PPM1F: variants seen among roughly 807,000 people sequenced by gnomAD.
PPM1F encodes the protein protein phosphatase 1F.
In PPM1F, 17 loss-of-function variants were observed where a neutral mutation model predicts 35.5. The ratio of observed to expected loss-of-function variants is 0.48; its 90% CI spans 0.33 to 0.72. The LOEUF is 0.72. Among genes scored for constraint, PPM1F ranks in the 30% least tolerant of loss-of-function variants. The pLI is 0.02. For synonymous variants in PPM1F, 241 were observed against 255.5 expected (o/e 0.94, Z 0.54); for missense variants, 521 against 613.0 (o/e 0.85, Z 1.59).
intron 3 of PPM1F, chr22:21,938,429 C>T (rs2070687210): frequency 1.7e-6 from 2 of 1,156,906 alleles, no homozygotes; most frequent in South Asian, 3.2e-5. Flanking sequence ...GGCAGGGAGC[C>T]AGGGCGGAGG....
rs1457670254 is a variant in PPM1F at position 21,921,059 on chromosome 22, T to C, written c.*2033A>G. The stretch of plus-strand genomic sequence containing the variant: ...TTTGTAAATAAGAGACCTTAAGCAA[T>C]GCATTGACTGCATGGTCTCAACCTC... On this transcript the variant is annotated 3_prime_UTR_variant, in exon 8 of 8. Transcript: ENST00000263212. The C allele has an allele frequency of 6.6e-6, 1 of 152,418 alleles. No individual in the cohort carries two copies. Among genetic ancestry groups the C allele is most frequent in the East Asian group, 1.9e-4 (1 of 5,180 alleles). The allele number at this position is 152,418 out of a possible 1,614,324, so 9.4% of individuals were successfully genotyped here.
rs971627670 is a variant in PPM1F at position 21,937,744 on chromosome 22, C to T, written c.355+1788G>A. 6 of 173,770 alleles carry T rather than the reference C, an allele frequency of 3.5e-5. 1 individual carries two copies. The South Asian group carries it at 3.6e-4, about 10-fold the overall frequency. 10.8% of individuals were successfully genotyped at this position (173,770 alleles called of 1,614,324 possible). ...CACGGTCTCGCCCCGGGTGCTACTGCTATTTCCAACAGCCGCTTAGCCTAG... is the reference window on the plus strand; with the variant it reads ...CACGGTCTCGCCCCGGGTGCTACTGTTATTTCCAACAGCCGCTTAGCCTAG... On this transcript the variant is annotated intron_variant, in intron 3 of 7. Coordinates refer to ENST00000263212, the MANE Select transcript of PPM1F (RefSeq NM_014634.4).
chr22:21,938,246 T>C (rs1002078159), intron 3 of PPM1F: 6 of 1,300,826 alleles, frequency 4.6e-6, no homozygotes, highest in Non-Finnish European at 6.1e-6. Context: ...CAGAGACCCA[T>C]CAGGCGGGGA....
At chr22:21,934,848 A>T (rs1392911838) in intron 3 of PPM1F, 5 of 135,504 alleles carry the variant, frequency 3.7e-5, no homozygotes, top group African/African-American at 1.4e-4. Context: ...TCATGCCATT[A>T]TGCTCCAGTC....
chr22:21,933,982 G>T, intron 4 of PPM1F, 42 bp downstream of exon 4: 1 of 1,505,544 alleles, frequency 6.6e-7, no homozygotes, highest in Non-Finnish European at 8.9e-7. Context: ...CCTCGCCCCG[G>T]TCCTCCGAAG....
rs1301365925 is a variant in PPM1F, at chr22:21,939,767, G to T, written c.207-87C>A. ...TTCCCCAACTGTCAGCCCACATGCT[G>T]AGGGGTCACGGCCAGCAGGGCGGCC... On this transcript the variant is annotated intron_variant, in intron 2 of 7. Transcript: ENST00000263212. This position sits in a 1 kb window ranked among gnomAD's most constrained non-coding sequence, Gnocchi z 5.1. 2.0e-6 allele frequency: 3 copies of T among 1,480,888 alleles called. No homozygotes were observed. The highest frequency in any genetic ancestry group is 2.8e-5 in the African/African-American group (2 of 71,622). 91.7% of individuals were successfully genotyped at this position (1,480,888 alleles called of 1,614,324 possible). A position where few individuals can be genotyped will look rare whatever the true frequency, so the allele number is the denominator to read the frequency against.
chr22:21,947,735 CA>C (rs2070791229), intron 1 of PPM1F: 1 of 152,166 alleles, frequency 6.6e-6, no homozygotes, highest in South Asian at 2.1e-4. Flanking sequence ...GCGGCTGTGG[CA>C]GGGGCCTGAG....
At chr22:21,927,945 T>TTTTTTTTG (rs2070538437) in intron 6 of PPM1F, among the ~76,000 whole-genome samples, 1 of 51,662 alleles carries the variant, frequency 1.9e-5, no homozygotes, top group East Asian at 3.6e-4. Flanking sequence ...TTGTTTTGTT[T>TTTTTTTTG]TTTTTTTTTT....
At chr22:21,948,034 C>T (rs1032500523) in intron 1 of PPM1F, 2 of 152,156 alleles carry the variant, frequency 1.3e-5, no homozygotes, top group African/African-American at 4.8e-5. Context: ...AAAGTGGACA[C>T]ATACAAATAA....
At chr22:21,945,785 T>A in intron 2 of PPM1F, 58 bp downstream of exon 2, 2 of 1,551,114 alleles carry the variant, frequency 1.3e-6, no homozygotes, top group Admixed American at 3.5e-5. Context: ...CCACATCCCT[T>A]GTCGGCCCTG....
At chr22:21,943,316 A>C (rs1417957798) in intron 2 of PPM1F, 8 of 152,228 alleles carry the variant, frequency 5.3e-5, no homozygotes, top group Non-Finnish European at 1.0e-4. Context: ...CTCAGACCCC[A>C]AGTGCTGACT....
chr22:21,931,787 G>C (rs1333515096), intron 5 of PPM1F, among the ~76,000 whole-genome samples: 1 of 151,738 alleles, frequency 6.6e-6, no homozygotes, highest in East Asian at 1.9e-4. Context: ...CAAAGTGCTA[G>C]GATTACAGGC....
intron 3 of PPM1F, chr22:21,936,719 T>G (rs1344705985): frequency 6.6e-6 from 1 of 152,256 alleles, no homozygotes; most frequent in Non-Finnish European, 1.5e-5. Flanking sequence ...CAGGGCCTCC[T>G]GTCAGTGGCC....
Position 21,941,957 on chromosome 22 carries a change from G to A in PPM1F, c.207-2277C>T, listed in dbSNP as rs1299655738. 2 of 152,298 alleles carry A rather than the reference G, an allele frequency of 1.3e-5. 1 individual carries two copies. The highest frequency in any genetic ancestry group is 4.8e-5 in the African/African-American group (2 of 41,472). The allele number at this position is 152,298 out of a possible 1,614,324, so 9.4% of individuals were successfully genotyped here. A position where few individuals can be genotyped will look rare whatever the true frequency, so the allele number is the denominator to read the frequency against. The stretch of plus-strand genomic sequence containing the variant: ...GAGCCATCCCTGGCTTTTCTGGGCA[G>A]AAGGGGTCGCTCCCTCAGTGGCCCT... On this transcript the variant is annotated intron_variant, in intron 2 of 7. Coordinates refer to ENST00000263212, the MANE Select transcript of PPM1F (RefSeq NM_014634.4).
intron 1 of PPM1F, 172 bp from the exon 2 acceptor site, chr22:21,946,280 G>A: frequency 2.5e-6 from 1 of 402,652 alleles, no homozygotes; most frequent in East Asian, 3.7e-5. Context: ...GGGACTTGTG[G>A]GCATCCAGAG....
At chr22:21,940,410 T>G (rs1569130637) in intron 2 of PPM1F, among the ~76,000 whole-genome samples, 1 of 151,128 alleles carries the variant, frequency 6.6e-6, no homozygotes, top group East Asian at 1.9e-4. Flanking sequence ...GAGGTGGAGG[T>G]TGCAGTGAGC....
At chr22:21,925,353 A>G (rs1420812802) in intron 7 of PPM1F, 2 of 506,666 alleles carry the variant, frequency 3.9e-6, no homozygotes, top group Non-Finnish European at 7.3e-6. Context: ...AGGTGAGATA[A>G]TAACATACAG....
chr22:21,937,158 C>G (rs910049544), intron 3 of PPM1F: 2 of 152,332 alleles, frequency 1.3e-5, no homozygotes, highest in African/African-American at 4.8e-5. Flanking sequence ...TGTCACAGGC[C>G]ACACCCAAAG....
intron 5 of PPM1F, among the ~76,000 whole-genome samples, chr22:21,932,366 C>A (rs957699289): frequency 4.6e-5 from 7 of 152,228 alleles, no homozygotes; most frequent in Non-Finnish European, 1.0e-4. Flanking sequence ...GGAGTGGAGG[C>A]TTGCCTGCTT....
Sources: gnomAD v4.1 joint callset for allele counts (sites outside exome capture counted in the v4.1 genomes callset) on GRCh38, gnomAD v4.1.1 for gene constraint, Gnocchi (gnomAD v3.1) non-coding constraint, MANE v1.5 for transcripts, NCBI Gene and HGNC (gene_info 2026-07-23, HGNC 2026-07-21) for gene names.